Variants in SAMMSON observed in about 807,000 individuals in gnomAD.
SAMMSON encodes the protein survival associated mitochondrial melanoma specific oncogenic non-coding RNA.
At chr3:70,206,729 A>G (rs924118291) in intron 4 of SAMMSON, 7 of 397,754 alleles carry the variant, frequency 1.8e-5, no homozygotes, top group Middle Eastern at 6.2e-4. Context: ...CAGATACTGA[A>G]TTTATAACAA....
intron 3 of SAMMSON, among the ~76,000 whole-genome samples, chr3:70,019,151 C>G (rs1229473605): frequency 6.6e-6 from 1 of 152,090 alleles, no homozygotes; most frequent in Non-Finnish European, 1.5e-5. Context: ...AACTTTCTGT[C>G]TCGTTGATGT....
At chr3:70,164,479 C>T (rs186476043) in intron 4 of SAMMSON, among the ~76,000 whole-genome samples, 1 of 152,060 alleles carries the variant, frequency 6.6e-6, no homozygotes, top group South Asian at 2.1e-4. Context: ...GTACTTATTG[C>T]ATGAATTCTG....
intron 6 of SAMMSON, among the ~76,000 whole-genome samples, chr3:70,250,563 A>C (rs924268476): frequency 6.6e-6 from 1 of 152,154 alleles, no homozygotes; most frequent in African/African-American, 2.4e-5. Flanking sequence ...CCATTAAACT[A>C]TTCGGGTGGA....
chr3:70,128,239 A>G (rs1430259586), intron 4 of SAMMSON, among the ~76,000 whole-genome samples: 1 of 152,106 alleles, frequency 6.6e-6, no homozygotes, highest in Non-Finnish European at 1.5e-5. Flanking sequence ...AAGTGCCTCA[A>G]TTCCCCTTAT....
rs1553664169 is a variant in SAMMSON, at chr3:70,418,999, C to CTCTCTCTCTTTCTT, written n.234-43558_234-43557insCTCTCTTTCTTTCT. 6.5e-4 allele frequency among the ~76,000 whole-genome samples: 78 copies of CTCTCTCTCTTTCTT among 119,334 alleles called. 1 individual carries two copies. Among genetic ancestry groups the CTCTCTCTCTTTCTT allele is most frequent in the East Asian group, 2.8e-3 (10 of 3,626 alleles). 78.3% of individuals were successfully genotyped at this position (119,334 alleles called of 152,430 possible). ...CTTCCTTCTCTCTCTCTCTCTCTCT[C>CTCTCTCTCTTTCTT]TCTTTCTTTCTTTCTTTCCTTCTTT... On this transcript the variant is annotated intron_variant and non_coding_transcript_variant, in intron 2 of 3. Transcript: ENST00000641053.
downstream of SAMMSON, among the ~76,000 whole-genome samples, chr3:70,391,896 A>C (rs1418268704): frequency 6.6e-6 from 1 of 152,192 alleles, no homozygotes; most frequent in African/African-American, 2.4e-5. Flanking sequence ...ACTTCTGAAT[A>C]GATTCATGCA....
At chr3:70,408,230 T>C (rs1299678979) in intron 2 of SAMMSON, among the ~76,000 whole-genome samples, 1 of 152,204 alleles carries the variant, frequency 6.6e-6, no homozygotes, top group Non-Finnish European at 1.5e-5. Context: ...ACCTCTAACA[T>C]GCCCTGGAGA....
rs558392621 is a variant in SAMMSON, at chr3:70,337,013, ATAT to A, written n.740-17150_740-17148del. ...TGATTTAATAATAATATCTAACTTA[ATAT>A]TATTATTATTAATAATAATATCTAA... On this transcript the variant is annotated intron_variant and non_coding_transcript_variant, in intron 7 of 9. Coordinates refer to ENST00000642114, the Ensembl canonical transcript of SAMMSON. Among the ~76,000 whole-genome samples, 338 of 144,010 alleles carry A rather than the reference ATAT, an allele frequency of 2.3e-3. 2 individuals are homozygous for A. The highest frequency in any genetic ancestry group is 4.1e-3 in the Non-Finnish European group (271 of 65,956). The allele number at this position is 144,010 out of a possible 152,430, so 94.5% of individuals were successfully genotyped here.
chr3:70,278,693 T>C (rs904327120), intron 6 of SAMMSON, among the ~76,000 whole-genome samples: 46 of 152,146 alleles, frequency 3.0e-4, no homozygotes, highest in Admixed American at 2.6e-4. Context: ...TGCTAGGGCA[T>C]ATCCAACCTG....
intron 4 of SAMMSON, among the ~76,000 whole-genome samples, chr3:70,231,523 C>G (rs1314822758): frequency 6.6e-6 from 1 of 152,186 alleles, no homozygotes; most frequent in African/African-American, 2.4e-5. Flanking sequence ...GAGCCAAATT[C>G]CAAAATTCTG....
At chr3:70,254,822 A>G (rs1701799960) in intron 6 of SAMMSON, among the ~76,000 whole-genome samples, 1 of 152,352 alleles carries the variant, frequency 6.6e-6, no homozygotes, top group Middle Eastern at 3.4e-3. Flanking sequence ...AGATTTATGC[A>G]TACATGTCTT....
intron 2 of SAMMSON, among the ~76,000 whole-genome samples, chr3:70,415,815 G>A (rs962543938): frequency 6.6e-6 from 1 of 152,126 alleles, no homozygotes; most frequent in Non-Finnish European, 1.5e-5. Context: ...CAAGAATCAT[G>A]TTGTTAAATG....
intron 4 of SAMMSON, among the ~76,000 whole-genome samples, chr3:70,135,727 T>C (rs2067503198): frequency 6.6e-6 from 1 of 152,228 alleles, no homozygotes; most frequent in South Asian, 2.1e-4. Flanking sequence ...AAATATATTC[T>C]ATATGTTATG....
At chr3:70,161,723 G>T (rs1363566889) in intron 4 of SAMMSON, among the ~76,000 whole-genome samples, 3 of 151,710 alleles carry the variant, frequency 2.0e-5, no homozygotes, top group Non-Finnish European at 4.4e-5. Flanking sequence ...TTTATTTTCA[G>T]GGGAATTTGT....
chr3:70,152,947 G>C (rs1291250154), intron 4 of SAMMSON, among the ~76,000 whole-genome samples: 1 of 151,994 alleles, frequency 6.6e-6, no homozygotes, highest in African/African-American at 2.4e-5. Context: ...AATTGTGTCT[G>C]GTCTGAAGCA....
intron 9 of SAMMSON, among the ~76,000 whole-genome samples, chr3:70,365,126 A>G (rs1171672784): frequency 2.6e-5 from 4 of 151,742 alleles, no homozygotes; most frequent in African/African-American, 9.7e-5. Flanking sequence ...TATCATACAG[A>G]ATATTTTTGC....
Position 70,279,837 on chromosome 3 carries a change from C to T in SAMMSON, n.675-11342C>T, listed in dbSNP as rs141444819. Among the ~76,000 whole-genome samples the T allele has an allele frequency of 1.4e-3, 217 of 152,262 alleles. 3 individuals are homozygous for T. Among genetic ancestry groups the T allele is most frequent in the East Asian group, 0.013 (67 of 5,166 alleles). On this transcript the variant is annotated intron_variant and non_coding_transcript_variant, in intron 6 of 9. Transcript: ENST00000642114. ...TCTTTTGGAGAAGTCTCCTGGGCTG[C>T]ACAACTACACCTGCCAAACCACCTG...
intron 3 of SAMMSON, among the ~76,000 whole-genome samples, chr3:70,051,474 C>T (rs1450475914): frequency 6.8e-6 from 1 of 146,310 alleles, no homozygotes. Flanking sequence ...TTACTTTTTG[C>T]ACCAACCTAA....
chr3:70,016,522 C>G (rs1485552788), intron 3 of SAMMSON, among the ~76,000 whole-genome samples: 2 of 151,952 alleles, frequency 1.3e-5, no homozygotes, highest in African/African-American at 4.8e-5. Context: ...AAAATTTTCT[C>G]CCATTCTGTA....
Sources: gnomAD v4.1 joint callset for allele counts (sites outside exome capture counted in the v4.1 genomes callset) on GRCh38, gnomAD v4.1.1 for gene constraint, MANE v1.5 for transcripts, NCBI Gene and HGNC (gene_info 2026-07-23, HGNC 2026-07-21) for gene names.